The following SLC15A5 variants were observed in gnomAD, a reference collection of about 807,000 sequenced individuals.
The protein encoded by SLC15A5 is Peptide/histidine transporter ENSP00000340402.
SLC15A5 carries 58 observed loss-of-function variants against 56.1 expected under a neutral mutation model. The ratio of observed to expected loss-of-function variants is 1.03; its 90% CI spans 0.84 to 1.29. The LOEUF (loss-of-function observed/expected upper bound fraction) is 1.29. SLC15A5 is among the 50% of genes most tolerant of loss of function. The probability of loss-of-function intolerance (pLI) is 0.00; values close to 1 mark genes in which losing one functional copy is unlikely to be tolerated. For missense variants in SLC15A5, 681 were observed against 672.1 expected (o/e 1.01, Z -0.15); for synonymous variants, 264 against 250.5 (o/e 1.05, Z -0.51).
At chr12:16,250,856 A>G (rs1864512270) in intron 3 of SLC15A5, among the ~76,000 whole-genome samples, 1 of 151,982 alleles carries the variant, frequency 6.6e-6, no homozygotes, top group Non-Finnish European at 1.5e-5. Context: ...TGTAGAAGCA[A>G]TAAGGGAGAA....
chr12:16,229,582 G>T (rs932735862), intron 5 of SLC15A5, among the ~76,000 whole-genome samples: 1 of 149,636 alleles, frequency 6.7e-6, no homozygotes, highest in African/African-American at 2.5e-5. Flanking sequence ...ATCTAAGTTT[G>T]TTTTGTTTAT....
chr12:16,234,906 C>G (rs1864332130), intron 5 of SLC15A5, among the ~76,000 whole-genome samples: 1 of 152,012 alleles, frequency 6.6e-6, no homozygotes, highest in Non-Finnish European at 1.5e-5. Context: ...GCTGAGAAAA[C>G]TATGGGTTTC....
At chr12:16,201,001 A>G (rs1863949493) in intron 7 of SLC15A5, among the ~76,000 whole-genome samples, 1 of 152,170 alleles carries the variant, frequency 6.6e-6, no homozygotes, top group African/African-American at 2.4e-5. Context: ...AATATGTAAC[A>G]ACAGATACAG....
chr12:16,233,206 A>G (rs2136254077), intron 5 of SLC15A5, among the ~76,000 whole-genome samples: 1 of 152,278 alleles, frequency 6.6e-6, no homozygotes, highest in Non-Finnish European at 1.5e-5. Context: ...AAAAATGCTT[A>G]TATTTTATGA....
intron 3 of SLC15A5, among the ~76,000 whole-genome samples, chr12:16,247,118 A>T (rs1864469639): frequency 6.6e-6 from 1 of 152,194 alleles, no homozygotes; most frequent in Admixed American, 6.6e-5. Context: ...GTATACTGGC[A>T]ACAAACAGTT....
chr12:16,276,452 C>G (rs1352514344), intron 1 of SLC15A5, among the ~76,000 whole-genome samples: 1 of 151,926 alleles, frequency 6.6e-6, no homozygotes, highest in Admixed American at 6.6e-5. Flanking sequence ...TATTTAGTTG[C>G]CTTACAGCTT....
At chr12:16,258,990 C>CTTTTTTTT (rs35905307) in intron 2 of SLC15A5, among the ~76,000 whole-genome samples, 42 of 118,204 alleles carry the variant, frequency 3.6e-4, no homozygotes, top group Non-Finnish European at 4.2e-4. Flanking sequence ...TCTTCTTTTT[C>CTTTTTTTT]TTTTTTTTTT....
chr12:16,277,141 C>CACAG (rs1359115989), intron 1 of SLC15A5, among the ~76,000 whole-genome samples, 184 bp downstream of exon 1: 2 of 151,690 alleles, frequency 1.3e-5, no homozygotes, highest in Non-Finnish European at 2.9e-5. Context: ...CACACACACA[C>CACAG]ACACACACAG....
intron 7 of SLC15A5, among the ~76,000 whole-genome samples, chr12:16,210,608 T>C (rs185281046): frequency 1.6e-4 from 25 of 152,278 alleles, no homozygotes; most frequent in Admixed American, 1.6e-3. Flanking sequence ...GGTAAGTCAC[T>C]AGTGAAGACT....
chr12:16,241,030 G>T (rs1864409806), intron 4 of SLC15A5, among the ~76,000 whole-genome samples: 1 of 152,074 alleles, frequency 6.6e-6, no homozygotes, highest in South Asian at 2.1e-4. Context: ...AGTCAGGATG[G>T]TCTCGATCTC....
At chr12:16,192,307 T>G (rs576352893) in intron 8 of SLC15A5, among the ~76,000 whole-genome samples, 13 of 152,110 alleles carry the variant, frequency 8.5e-5, no homozygotes, top group Non-Finnish European at 1.3e-4. Context: ...TAAGAAAGTA[T>G]GCAGGAGAAG....
intron 2 of SLC15A5, among the ~76,000 whole-genome samples, chr12:16,262,803 T>C (rs1383863207): frequency 1.3e-5 from 2 of 152,144 alleles, no homozygotes; most frequent in Non-Finnish European, 2.9e-5. Context: ...CAAGATATGA[T>C]GGTTTTAAAA....
At chr12:16,219,891 G>C (rs1452718743) in intron 6 of SLC15A5, among the ~76,000 whole-genome samples, 1 of 152,078 alleles carries the variant, frequency 6.6e-6, no homozygotes, top group East Asian at 1.9e-4. Flanking sequence ...GTGAAAGCTG[G>C]TCTTCTTGCC....
chr12:16,249,886 A>G (rs909443086), intron 3 of SLC15A5, among the ~76,000 whole-genome samples: 14 of 152,028 alleles, frequency 9.2e-5, no homozygotes, highest in Non-Finnish European at 2.9e-5. Flanking sequence ...GGTTTTTAGG[A>G]AAAATCATAT....
At chr12:16,209,020 T>C (rs1591642330) in intron 7 of SLC15A5, among the ~76,000 whole-genome samples, 1 of 4,036 alleles carries the variant, frequency 2.5e-4, no homozygotes, top group African/African-American at 2.7e-4. Context: ...ACATGATGCC[T>C]TTTTTTTTTT....
intron 3 of SLC15A5, 88 bp from the exon 4 acceptor site, chr12:16,244,888 A>C: frequency 7.3e-7 from 1 of 1,368,232 alleles, no homozygotes; most frequent in South Asian, 1.4e-5. Context: ...CGATTCAAGG[A>C]TTCACGGCAG....
chr12:16,266,553 C>A (rs1171093540), intron 2 of SLC15A5, among the ~76,000 whole-genome samples: 1 of 152,078 alleles, frequency 6.6e-6, no homozygotes, highest in Non-Finnish European at 1.5e-5. Context: ...GTGTAATTTT[C>A]TGAAAGAATT....
rs919845021 is a variant in SLC15A5, at chr12:16,235,231, C to T, written c.1162+4450G>A. Among the ~76,000 whole-genome samples, 2 of 148,520 alleles carry T rather than the reference C, an allele frequency of 1.3e-5. No homozygotes were observed. Among genetic ancestry groups the T allele is most frequent in the African/African-American group, 4.9e-5 (2 of 40,610 alleles). ...GTTTTTATACATAATATATACAAAA[C>T]ACGACATGTTATAAGTATATATGTG... On this transcript the variant is annotated intron_variant, in intron 5 of 8. Transcript: ENST00000344941. The surrounding 1 kb of genome is among the most constrained non-coding windows in gnomAD (Gnocchi z 4.1).
Position 16,244,763 on chromosome 12 carries a change from A to G in SLC15A5, c.792T>C (p.Ser264=), listed in dbSNP as rs1371518881. ...ATTGCGGGTGGCATGTTTTCAGTGC[A>G]CTAACCAACACCCCAACGCCTGTCA... ...SLLTGVGVLV[S]ALKTCHPQYC... Residue 264 remains serine, a synonymous_variant, in exon 4 of 9, where the codon AGT becomes AGC. Transcript: ENST00000344941. 2.6e-6 allele frequency: 4 copies of G among 1,537,704 alleles called. No homozygotes were observed. Among genetic ancestry groups the G allele is most frequent in the Non-Finnish European group, 3.5e-6 (4 of 1,147,038 alleles).
Sources: gnomAD v4.1 joint callset for allele counts (sites outside exome capture counted in the v4.1 genomes callset) on GRCh38, gnomAD v4.1.1 for gene constraint, Gnocchi (gnomAD v3.1) non-coding constraint, MANE v1.5 for transcripts, NCBI Gene and HGNC (gene_info 2026-07-23, HGNC 2026-07-21) for gene names.